The following RGS6 variants were observed in gnomAD, a reference collection of about 807,000 sequenced individuals.
The protein encoded by RGS6 is regulator of G-protein signaling 6.
In RGS6, 30 loss-of-function variants were observed where a neutral mutation model predicts 78.5. That is an observed-to-expected ratio of 0.38 (90% CI 0.29 to 0.52). The LOEUF is 0.52. Ranked by LOEUF, RGS6 falls within the 20% of genes least tolerant of loss-of-function variation. The probability of loss-of-function intolerance (pLI) is 0.85; values close to 1 mark genes in which losing one functional copy is unlikely to be tolerated. For missense variants in RGS6, 495 were observed against 609.7 expected (o/e 0.81, Z 1.98); for synonymous variants, 206 against 206.0 (o/e 1.00, Z 0.00).
At chr14:72,038,457 T>A (rs11845892) in intron 2 of RGS6, among the ~76,000 whole-genome samples, 19,813 of 152,212 alleles carry the variant, frequency 0.13, 1,347 homozygotes, top group East Asian at 0.17. Context: ...ATTAGGTTTG[T>A]GCTAAATTTA....
the RGS6 span, among the ~76,000 whole-genome samples, chr14:71,918,258 C>A: frequency 7.2e-6 from 1 of 139,112 alleles, no homozygotes; most frequent in African/African-American, 2.6e-5. Context: ...GAGGAACTCT[C>A]GAACTGTATG....
At chr14:72,188,252 A>T (rs933005433) in intron 2 of RGS6, among the ~76,000 whole-genome samples, 1 of 152,216 alleles carries the variant, frequency 6.6e-6, no homozygotes, top group African/African-American at 2.4e-5. Flanking sequence ...AACACATGTT[A>T]AACAAAGTTA....
At chr14:72,009,586 A>G (rs1045801893) in intron 2 of RGS6, among the ~76,000 whole-genome samples, 4 of 152,198 alleles carry the variant, frequency 2.6e-5, no homozygotes, top group African/African-American at 9.7e-5. Context: ...TATGAATAAT[A>G]TTATATGAGT....
rs192373080 is a variant in RGS6 at position 72,187,095 on chromosome 14, C to A, written c.85-165000C>A. ...GAAAGCCCTCAAAAGCTTTAAAGGG[C>A]TTAGAAAATGTAAAGCCATTATTGT... On this transcript the variant is annotated intron_variant, in intron 2 of 17. Coordinates refer to ENST00000553525, the MANE Select transcript of RGS6 (RefSeq NM_001204424.2). Among the ~76,000 whole-genome samples, 24 of 152,300 alleles carry A rather than the reference C, an allele frequency of 1.6e-4. No individual in the cohort carries two copies. The East Asian group carries it at 3.1e-3, about 20-fold the overall frequency.
chr14:72,061,341 T>A (rs1272284192), intron 2 of RGS6, among the ~76,000 whole-genome samples: 3 of 152,200 alleles, frequency 2.0e-5, no homozygotes, highest in Non-Finnish European at 2.9e-5. Context: ...GCATACTCAG[T>A]GTAACCTAAC....
chr14:72,312,712 C>T (rs1053997595), intron 2 of RGS6, among the ~76,000 whole-genome samples: 2 of 152,030 alleles, frequency 1.3e-5, no homozygotes, highest in African/African-American at 2.4e-5. Context: ...ATACACCTAC[C>T]GCAAAAGGTG....
chr14:72,144,258 ATGT>A (rs2096578244), intron 2 of RGS6, among the ~76,000 whole-genome samples: 1 of 152,194 alleles, frequency 6.6e-6, no homozygotes, highest in Non-Finnish European at 1.5e-5. Flanking sequence ...TTCCTACTTA[ATGT>A]TGTTTTCACA....
intron 2 of RGS6, among the ~76,000 whole-genome samples, chr14:72,225,032 G>A (rs2047778571): frequency 6.6e-6 from 1 of 152,182 alleles, no homozygotes; most frequent in South Asian, 2.1e-4. Context: ...ATCTTGAGTG[G>A]CAAGCCTAGA....
intron 2 of RGS6, among the ~76,000 whole-genome samples, chr14:72,058,052 A>G (rs1313258704): frequency 6.7e-6 from 1 of 150,262 alleles, no homozygotes; most frequent in Admixed American, 6.6e-5. Context: ...GATGCTGGCT[A>G]TCATATTGTC....
chr14:72,168,038 C>T (rs1311872154), intron 2 of RGS6, among the ~76,000 whole-genome samples: 3 of 152,144 alleles, frequency 2.0e-5, no homozygotes, highest in Non-Finnish European at 4.4e-5. Flanking sequence ...CCAGCAGTCA[C>T]TATTTACTAA....
intron 12 of RGS6, 32 bp downstream of exon 12, chr14:72,478,361 C>A: frequency 7.0e-7 from 1 of 1,426,376 alleles, no homozygotes; most frequent in Non-Finnish European, 9.9e-7. Context: ...TTACTACTTT[C>A]TTCTAATTTA....
chr14:72,109,761 T>C (rs1303173001), intron 2 of RGS6, among the ~76,000 whole-genome samples: 1 of 152,164 alleles, frequency 6.6e-6, no homozygotes, highest in Non-Finnish European at 1.5e-5. Context: ...CTGTACAACA[T>C]AAAAAATATG....
At chr14:71,935,861 C>T (rs113415478) in intron 1 of RGS6, among the ~76,000 whole-genome samples, 1 of 151,404 alleles carries the variant, frequency 6.6e-6, no homozygotes, top group East Asian at 1.9e-4. Flanking sequence ...ACCTGGGGGT[C>T]ATCCTGGGAG....
At chr14:72,138,482 TGGAG>T (rs2096486410) in intron 2 of RGS6, among the ~76,000 whole-genome samples, 1 of 147,130 alleles carries the variant, frequency 6.8e-6, no homozygotes, top group South Asian at 2.2e-4. Flanking sequence ...TTTACTTTCT[TGGAG>T]GGAGAGTTCT....
At chr14:71,999,755 C>T (rs1391217247) in intron 2 of RGS6, among the ~76,000 whole-genome samples, 1 of 152,198 alleles carries the variant, frequency 6.6e-6, no homozygotes, top group Non-Finnish European at 1.5e-5. Context: ...TGCCTAGCTC[C>T]CCCTTCACCT....
intron 3 of RGS6, among the ~76,000 whole-genome samples, chr14:72,360,366 A>T (rs889156447): frequency 7.5e-6 from 1 of 133,632 alleles, no homozygotes; most frequent in Admixed American, 8.1e-5. Flanking sequence ...CTAAAAATAC[A>T]AAAAAATTAG....
chr14:72,014,601 G>C (rs942126457), intron 2 of RGS6, among the ~76,000 whole-genome samples: 3 of 152,150 alleles, frequency 2.0e-5, no homozygotes, highest in Non-Finnish European at 4.4e-5. Flanking sequence ...CATGAGACTT[G>C]AGCATTTGTT....
At chr14:72,548,342 T>TGTGTGTGTGTGTGC (rs796698263) in intron 17 of RGS6, among the ~76,000 whole-genome samples, 1 of 134,744 alleles carries the variant, frequency 7.4e-6, no homozygotes, top group Admixed American at 7.5e-5. Flanking sequence ...TGTGTGTGTG[T>TGTGTGTGTGTGTGC]GCGCGCGTGT....
the RGS6 span, among the ~76,000 whole-genome samples, chr14:71,910,976 G>T: frequency 5.5e-4 from 83 of 152,230 alleles, no homozygotes; most frequent in African/African-American, 1.7e-3. Flanking sequence ...TCTGAGTCTT[G>T]TCCTTTTTTC....
Sources: allele counts gnomAD v4.1 joint callset (sites outside exome capture counted in the v4.1 genomes callset), GRCh38; gene constraint gnomAD v4.1.1; transcripts MANE v1.5; gene names NCBI Gene and HGNC (gene_info 2026-07-23, HGNC 2026-07-21).